The following INTS3 variants were observed in gnomAD, a reference collection of about 807,000 sequenced individuals.
The protein encoded by INTS3 is SOSS complex subunit A.
INTS3 carries 34 observed loss-of-function variants against 146.3 expected under a neutral mutation model. That is an observed-to-expected ratio of 0.23 (90% CI 0.18 to 0.31). The LOEUF is 0.31. INTS3 is among the 10% of genes least tolerant of loss of function. The pLI, the probability that INTS3 is intolerant of heterozygous loss-of-function variation, is 1.00. For missense variants in INTS3, 757 were observed against 1,304.2 expected, an observed-to-expected ratio of 0.58 and a Z score of 6.46; for synonymous variants, 475 against 494.9, an observed-to-expected ratio of 0.96 and a Z score of 0.53.
At chr1:153,739,658 A>C (rs1477811055) in intron 1 of INTS3, among the ~76,000 whole-genome samples, 1 of 148,520 alleles carries the variant, frequency 6.7e-6, no homozygotes, top group Non-Finnish European at 1.5e-5. Context: ...TAGTAGAGAC[A>C]GGGTTTCACC....
chr1:153,757,734 A>G lies in INTS3; in HGVS notation c.1120A>G (p.Ile374Val), dbSNP rs1428365855. 1 of 1,613,788 alleles carries G rather than the reference A, an allele frequency of 6.2e-7. No individual in the cohort carries two copies. Among genetic ancestry groups the G allele is most frequent in the East Asian group, 2.2e-5 (1 of 44,882 alleles). ...TTCAGATATCTTGCCCCGGTGGGCC[A>G]TCATTGGTTGGCTCCTGACAACGTG... Reference protein sequence around the residue: ...LSSDILPRWAIIGWLLTTCTS... With the variant: ...LSSDILPRWAVIGWLLTTCTS... The change falls in exon 10 of 30, where the codon ATC becomes GTC. Residue 374 changes from isoleucine to valine, a missense_variant. Coordinates refer to ENST00000318967, the MANE Select transcript of INTS3 (RefSeq NM_023015.5). This position sits in a 1 kb window ranked among gnomAD's most constrained non-coding sequence, Gnocchi z 4.0.
At chr1:153,760,544 T>C in intron 12 of INTS3, 154 bp downstream of exon 12, 1 of 655,162 alleles carries the variant, frequency 1.5e-6, no homozygotes, top group Non-Finnish European at 2.7e-6. Flanking sequence ...AATGCTTCCC[T>C]TCCATATTCC....
Position 153,773,998 on chromosome 1 carries a change from GTTTTTT to G in INTS3, c.*732_*737del, listed in dbSNP as rs200086354. ...TTTCCTTGAGTCTGTTTTTTTTTTTGTTTTTTTTTGTTTTTTTTTTGGCAGAGATAA... is the reference window on the plus strand; with the variant it reads ...TTTCCTTGAGTCTGTTTTTTTTTTTGTTTGTTTTTTTTTTGGCAGAGATAA... On this transcript the variant is annotated 3_prime_UTR_variant, in exon 30 of 30. Coordinates refer to ENST00000318967, the MANE Select transcript of INTS3 (RefSeq NM_023015.5). The G allele has an allele frequency of 1.3e-5, 2 of 155,306 alleles. No homozygotes were observed. The highest frequency in any genetic ancestry group is 6.9e-5 in the Admixed American group (1 of 14,454). The allele number at this position is 155,306 out of a possible 1,614,324, so 9.6% of individuals were successfully genotyped here.
intron 19 of INTS3, 60 bp downstream of exon 19, chr1:153,764,794 A>G (rs41265189): frequency 2.7e-6 from 4 of 1,481,558 alleles, no homozygotes; most frequent in Non-Finnish European, 3.8e-6. Context: ...CAGCACACAC[A>G]TGTGCTCCTG....
chr1:153,749,298 C>A (rs1229577695), intron 6 of INTS3, among the ~76,000 whole-genome samples: 1 of 152,088 alleles, frequency 6.6e-6, no homozygotes, highest in African/African-American at 2.4e-5. Context: ...TGATTCTTTC[C>A]CTTATCCATC....
intron 20 of INTS3, chr1:153,766,445 A>G (rs962928269): frequency 2.6e-5 from 4 of 151,766 alleles, no homozygotes; most frequent in African/African-American, 9.7e-5. Flanking sequence ...CTACAGGTGC[A>G]CGCCACCACA....
At chr1:153,744,715 A>G (rs1335127474) in intron 3 of INTS3, among the ~76,000 whole-genome samples, 4 of 152,196 alleles carry the variant, frequency 2.6e-5, no homozygotes, top group Non-Finnish European at 5.9e-5. Context: ...TGAGGGGTAC[A>G]TTTCTTTTGA....
chr1:153,751,291 A>G (rs1424837436), intron 7 of INTS3, 52 bp downstream of exon 7: 7 of 1,588,350 alleles, frequency 4.4e-6, no homozygotes, highest in Admixed American at 3.4e-5. Flanking sequence ...AGGCTAAGAT[A>G]CCTCTGGAGG....
chr1:153,759,382 G>T (rs1045016611), intron 10 of INTS3, 144 bp from the exon 11 acceptor site: 133 of 702,802 alleles, frequency 1.9e-4, no homozygotes, highest in Non-Finnish European at 2.6e-4. Flanking sequence ...AACACAAGGG[G>T]GGTTAGCATT....
chr1:153,736,102 A>G (rs1671273135), intron 1 of INTS3, among the ~76,000 whole-genome samples: 1 of 152,096 alleles, frequency 6.6e-6, no homozygotes, highest in Non-Finnish European at 1.5e-5. Context: ...ATCATATAGG[A>G]GGTGGACTAG....
At chr1:153,731,906 T>TC (rs1671080003) in intron 1 of INTS3, among the ~76,000 whole-genome samples, 1 of 112,424 alleles carries the variant, frequency 8.9e-6, no homozygotes, top group Non-Finnish European at 1.9e-5. Context: ...TTTAACTTTT[T>TC]TTTTTTTTTT....
At chr1:153,744,082 T>TGTGTGTGTGTGTGTGTGTG (rs1671640360) in intron 3 of INTS3, among the ~76,000 whole-genome samples, 1 of 141,230 alleles carries the variant, frequency 7.1e-6, no homozygotes, top group African/African-American at 2.6e-5. Flanking sequence ...TGTGTGTGTG[T>TGTGTGTGTGTGTGTGTGTG]TTCATCTGCT....
chr1:153,768,910 G>A lies in INTS3; in HGVS notation c.2262G>A (p.Leu754=), dbSNP rs1672703332. Reference sequence around the variant, plus strand: ...CCATTTAGTTTCCAGATGAAACCTTGAGGAGCGGAGAGCTGCTGAACATGA... The same window carrying A: ...CCATTTAGTTTCCAGATGAAACCTTAAGGAGCGGAGAGCTGCTGAACATGA... ...SIYTEFPDET[L]RSGELLNMIV... Residue 754 remains leucine (L), a synonymous_variant, in exon 22 of 30, where the codon TTG becomes TTA. Transcript: ENST00000318967. 1.2e-6 allele frequency: 2 copies of A among 1,613,852 alleles called. No homozygotes were observed. Among genetic ancestry groups the A allele is most frequent in the Non-Finnish European group, 1.7e-6 (2 of 1,179,918 alleles).
At position 153,757,556 on chromosome 1, in the gene INTS3, C is replaced by A. The variant is rs369022403; in HGVS notation, c.958-16C>A. 6.2e-7 allele frequency: 1 copy of A among 1,610,488 alleles called. No homozygotes were observed. ...ACTGTCTTCTAAGGTCTTTTTCTTG[C>A]TTCCCCTTTCCCCAGGTGCGATTTG... On this transcript the variant is annotated splice_polypyrimidine_tract_variant and intron_variant, in intron 9 of 29. Transcript: ENST00000318967. The surrounding 1 kb of genome is among the most constrained non-coding windows in gnomAD (Gnocchi z 4.0).
chr1:153,749,637 C>T (rs564476198), intron 6 of INTS3, among the ~76,000 whole-genome samples: 1 of 152,316 alleles, frequency 6.6e-6, no homozygotes, highest in South Asian at 2.1e-4. Context: ...GGGCCTGGAG[C>T]CACTTCTGTT....
Position 153,740,666 on chromosome 1 carries a change from A to G in INTS3, c.166A>G (p.Met56Val), listed in dbSNP as rs770943004. Residue 56 changes from methionine (M) to valine (V), a missense_variant, in exon 2 of 30, where the codon ATG becomes GTG. Coordinates refer to ENST00000318967, the MANE Select transcript of INTS3 (RefSeq NM_023015.5). ...DELEERLERCMSIVTSMTAGV... is the reference protein window; with the variant it reads ...DELEERLERCVSIVTSMTAGV... ...CCCTTCCCAGAGATTGGAAAGGTGT[A>G]TGAGCATTGTGACATCGATGACTGC... The G allele has an allele frequency of 3.1e-6, 5 of 1,613,954 alleles. No individual in the cohort carries two copies. Among genetic ancestry groups the G allele is most frequent in the East Asian group, 2.2e-5 (1 of 44,880 alleles).
chr1:153,771,898 G>A lies in INTS3; in HGVS notation c.2655G>A (p.Glu885=). The A allele has an allele frequency of 6.2e-7, 1 of 1,614,130 alleles. No individual in the cohort carries two copies. Among genetic ancestry groups the A allele is most frequent in the Non-Finnish European group, 8.5e-7 (1 of 1,180,024 alleles). ...ILRHWCMKHD[E]LLAEHIKSLL... is the part of the protein sequence containing the mutation. Reference sequence around the variant, plus strand: ...GGCACTGGTGCATGAAACATGACGAGCTGCTGGCCGAGCACATCAAGTCCC... The same window carrying A: ...GGCACTGGTGCATGAAACATGACGAACTGCTGGCCGAGCACATCAAGTCCC... Residue 885 remains glutamate (E), a synonymous_variant, in exon 26 of 30, where the codon GAG becomes GAA. Coordinates refer to ENST00000318967, the MANE Select transcript of INTS3 (RefSeq NM_023015.5).
rs1672944309 is a variant in INTS3 at position 153,772,591 on chromosome 1, A to G, written c.2822-48A>G. 3 of 1,613,544 alleles carry G rather than the reference A, an allele frequency of 1.9e-6. No individual in the cohort carries two copies. The highest frequency in any genetic ancestry group is 2.2e-5 in the East Asian group (1 of 44,888). On this transcript the variant is annotated intron_variant, in intron 27 of 29. Coordinates refer to ENST00000318967, the MANE Select transcript of INTS3 (RefSeq NM_023015.5). The surrounding 1 kb of genome is among the most constrained non-coding windows in gnomAD (Gnocchi z 4.6). ...TGTGCGTGCTGTTTAATAAGCTCCC[A>G]GACATCTGATTGTTTTTCCTTCCCT...
chr1:153,756,118 C>T (rs995313859), intron 9 of INTS3, among the ~76,000 whole-genome samples: 4 of 151,282 alleles, frequency 2.6e-5, no homozygotes, highest in African/African-American at 9.7e-5. Flanking sequence ...CTCACATCTA[C>T]AATCCCAGCA....
Sources: allele counts gnomAD v4.1 joint callset (sites outside exome capture counted in the v4.1 genomes callset), GRCh38; gene constraint gnomAD v4.1.1; non-coding constraint Gnocchi (gnomAD v3.1); transcripts MANE v1.5; gene names NCBI Gene and HGNC (gene_info 2026-07-23, HGNC 2026-07-21).